The following ZNF37A variants were observed in gnomAD, a reference collection of about 807,000 sequenced individuals.
The protein encoded by ZNF37A is zinc finger protein 37a (KOX 21).
Under a neutral mutation model 12.3 loss-of-function variants are expected in ZNF37A, and 10 were observed. The observed-to-expected ratio is 0.82, with a 90% CI of 0.50 to 1.38. The LOEUF is 1.38. ZNF37A is among the 40% of genes most tolerant of loss of function. The pLI is 0.00. For synonymous variants in ZNF37A, 207 were observed against 223.0 expected (o/e 0.93, Z 0.64); for missense variants, 580 against 651.2 (o/e 0.89, Z 1.19).
chr10:38,137,114 A>G (rs1056643621), intron 7 of ZNF37A, among the ~76,000 whole-genome samples: 2 of 152,182 alleles, frequency 1.3e-5, no homozygotes, highest in African/African-American at 4.8e-5. Context: ...TTCTAGCAGT[A>G]AGTCTGACAT....
intron 5 of ZNF37A, among the ~76,000 whole-genome samples, chr10:38,109,600 C>T (rs1017885007): frequency 6.6e-6 from 1 of 152,186 alleles, no homozygotes; most frequent in Admixed American, 6.5e-5. Context: ...ACCCCATCAT[C>T]TCAGCCCAAA....
At chr10:38,143,087 C>T (rs2070205546) in intron 7 of ZNF37A, 1 of 152,200 alleles carries the variant, frequency 6.6e-6, no homozygotes, top group African/African-American at 2.4e-5. Flanking sequence ...CCTTGAGTCC[C>T]AGGTCCCCCT....
chr10:38,101,354 T>C (rs567996335), intron 5 of ZNF37A, among the ~76,000 whole-genome samples: 114 of 152,216 alleles, frequency 7.5e-4, no homozygotes, highest in Non-Finnish European at 1.5e-3. Context: ...AGTTAATTTT[T>C]TTTTTTTTTT....
chr10:38,097,259 C>T lies in ZNF37A; in HGVS notation c.15+627C>T, dbSNP rs149620974. ...TGTGCAGTCCAGGGGAAAACTTAAG[C>T]GATATCAAGAGAAAGTATGTGATTA... On this transcript the variant is annotated intron_variant, in intron 5 of 7. Coordinates refer to ENST00000685332, the MANE Select transcript of ZNF37A (RefSeq NM_001324250.3). 9.6e-3 allele frequency among the ~76,000 whole-genome samples: 1,467 copies of T among 152,078 alleles called. 63 individuals carry two copies. Among genetic ancestry groups the T allele is most frequent in the Admixed American group, 0.079 (1,214 of 15,280 alleles).
At chr10:38,106,016 C>T (rs2068047016) in intron 5 of ZNF37A, among the ~76,000 whole-genome samples, 1 of 151,734 alleles carries the variant, frequency 6.6e-6, no homozygotes, top group Non-Finnish European at 1.5e-5. Flanking sequence ...ACTTTTAATA[C>T]AGTGTTGAAT....
At chr10:38,112,773 T>TCTTGTCTTGTCTTGTCTTGTCTTG (rs1564932263) in intron 5 of ZNF37A, among the ~76,000 whole-genome samples, 2 of 65,634 alleles carry the variant, frequency 3.0e-5, no homozygotes, top group African/African-American at 1.1e-4. Flanking sequence ...TTCTTTTCTT[T>TCTTGTCTTGTCTTGTCTTGTCTTG]TCTTTTCTTT....
rs2069646240 is a variant in ZNF37A, at chr10:38,120,772, AT to A, written c.*1937del. On this transcript the variant is annotated 3_prime_UTR_variant, in exon 8 of 8. Transcript: ENST00000685332. ...AGACTGCAATGAAAAAAATGGATAC[AT>A]TAGGAGCTTCAAACACATATAATTT... is the stretch of plus-strand genomic sequence containing the variant. The A allele has an allele frequency of 6.6e-6, 1 of 152,268 alleles. No individual in the cohort carries two copies. The highest frequency in any genetic ancestry group is 1.5e-5 in the Non-Finnish European group (1 of 68,092). The allele number at this position is 152,268 out of a possible 1,614,324, so 9.4% of individuals were successfully genotyped here. A position where few individuals can be genotyped will look rare whatever the true frequency, so the allele number is the denominator to read the frequency against.
intron 7 of ZNF37A, among the ~76,000 whole-genome samples, chr10:38,132,932 A>G (rs1052037551): frequency 6.6e-6 from 1 of 151,650 alleles, no homozygotes; most frequent in Non-Finnish European, 1.5e-5. Flanking sequence ...TGTCAATTTT[A>G]TGTCATATAT....
chr10:38,100,707 GTTAATGCAA>G (rs2067493396), intron 5 of ZNF37A, among the ~76,000 whole-genome samples: 1 of 152,092 alleles, frequency 6.6e-6, no homozygotes, highest in African/African-American at 2.4e-5. Flanking sequence ...AATTTGTGCA[GTTAATGCAA>G]TTATCACATG....
chr10:38,130,908 G>C (rs2070017604), intron 7 of ZNF37A, among the ~76,000 whole-genome samples: 1 of 152,140 alleles, frequency 6.6e-6, no homozygotes, highest in African/African-American at 2.4e-5. Flanking sequence ...TAAGTAGAAA[G>C]GGGTATCTAA....
chr10:38,141,461 T>C (rs1380732996), intron 7 of ZNF37A: 1 of 152,004 alleles, frequency 6.6e-6, no homozygotes, highest in African/African-American at 2.4e-5. Flanking sequence ...TCCACACATA[T>C]CCAACTGGTT....
intron 5 of ZNF37A, among the ~76,000 whole-genome samples, chr10:38,106,780 A>C (rs961516571): frequency 7.2e-5 from 11 of 152,126 alleles, no homozygotes; most frequent in African/African-American, 2.7e-4. Context: ...AATTAATGAA[A>C]TAAAGTGAGA....
chr10:38,112,803 G>T lies in ZNF37A; in HGVS notation c.16-1952G>T, dbSNP rs894528142. ...TTCTTTTCTTTTCTTTTCTTGTCTTGTCTTGTCTTCTTTTCTTTTCTTTCA... is the reference window on the plus strand; with the variant it reads ...TTCTTTTCTTTTCTTTTCTTGTCTTTTCTTGTCTTCTTTTCTTTTCTTTCA... On this transcript the variant is annotated intron_variant, in intron 5 of 7. Transcript: ENST00000685332. Among the ~76,000 whole-genome samples, 27 of 49,968 alleles carry T rather than the reference G, an allele frequency of 5.4e-4. 4 individuals are homozygous for T. Among genetic ancestry groups the T allele is most frequent in the East Asian group, 6.9e-4 (1 of 1,446 alleles). The allele number at this position is 49,968 out of a possible 152,430, so 32.8% of individuals were successfully genotyped here. A position where few individuals can be genotyped will look rare whatever the true frequency, so the allele number is the denominator to read the frequency against.
At position 38,117,894 on chromosome 10, in the gene ZNF37A, G is replaced by A; in HGVS notation, c.743G>A (p.Cys248Tyr). 2 of 1,613,970 alleles carry A rather than the reference G, an allele frequency of 1.2e-6. No individual in the cohort carries two copies. Among genetic ancestry groups the A allele is most frequent in the Non-Finnish European group, 1.7e-6 (2 of 1,179,988 alleles). ...SINNIIEYNECGTFFSEKLVL... is the reference protein window; with the variant it reads ...SINNIIEYNEYGTFFSEKLVL... ...AACAATATTATTGAATATAATGAGT[G>A]TGGAACATTTTTCAGTGAAAAATTA... is the stretch of plus-strand genomic sequence containing the variant. The change falls in exon 8 of 8, where the codon TGT becomes TAT. Residue 248 changes from cysteine to tyrosine, a missense_variant. Coordinates refer to ENST00000685332, the MANE Select transcript of ZNF37A (RefSeq NM_001324250.3).
At position 38,117,816 on chromosome 10, in the gene ZNF37A, A is replaced by T. The variant is rs1283010517; in HGVS notation, c.665A>T (p.Tyr222Phe). ...ATTCTCCTTGAACATCAGAGTGTTT[A>T]CCCATTCAGCCAGAAGTTAAATCTC... ...ESILLEHQSV[Y>F]PFSQKLNLTP... The change falls in exon 8 of 8, where the codon TAC becomes TTC. Residue 222 changes from tyrosine (Y) to phenylalanine (F), a missense_variant. Physicochemically the swap from Tyr to Phe is conservative, Grantham distance 22. Coordinates refer to ENST00000685332, the MANE Select transcript of ZNF37A (RefSeq NM_001324250.3). 6.2e-7 allele frequency: 1 copy of T among 1,614,038 alleles called. No individual in the cohort carries two copies. The highest frequency in any genetic ancestry group is 1.1e-5 in the South Asian group (1 of 91,086).
At chr10:38,108,549 G>A (rs912713685) in intron 5 of ZNF37A, among the ~76,000 whole-genome samples, 82 of 152,252 alleles carry the variant, frequency 5.4e-4, no homozygotes, top group Non-Finnish European at 1.8e-4. Flanking sequence ...AATGAATCCA[G>A]GAGCTGGTTT....
chr10:38,113,205 A>ATTTTTTTTTTTT (rs71007697), intron 5 of ZNF37A, among the ~76,000 whole-genome samples: 1 of 75,832 alleles, frequency 1.3e-5, no homozygotes, highest in Non-Finnish European at 2.4e-5. Flanking sequence ...TTAGTCTGTG[A>ATTTTTTTTTTTT]TTTTTTTTTT....
chr10:38,126,498 C>T (rs2069929947), downstream of ZNF37A, among the ~76,000 whole-genome samples: 1 of 152,218 alleles, frequency 6.6e-6, no homozygotes, highest in South Asian at 2.1e-4. Flanking sequence ...CAATACTCGT[C>T]TTAGTGACTG....
chr10:38,100,244 G>A (rs184510611), intron 5 of ZNF37A, among the ~76,000 whole-genome samples: 54 of 152,238 alleles, frequency 3.5e-4, no homozygotes, highest in Admixed American at 7.2e-4. Context: ...CCGCAGGACC[G>A]GTGCGAAATT....
Sources: gnomAD v4.1 joint callset for allele counts (sites outside exome capture counted in the v4.1 genomes callset) on GRCh38, gnomAD v4.1.1 for gene constraint, MANE v1.5 for transcripts, NCBI Gene and HGNC (gene_info 2026-07-23, HGNC 2026-07-21) for gene names.